SKAP1: variants seen among roughly 807,000 people sequenced by gnomAD.
SKAP1 encodes the protein src kinase-associated phosphoprotein 1.
A neutral mutation model predicts 58.5 loss-of-function variants in SKAP1; 44 were observed. The observed-to-expected ratio is 0.75, with a 90% CI of 0.59 to 0.97. SKAP1 has a LOEUF of 0.97. Among genes scored for constraint, SKAP1 ranks in the 50% least tolerant of loss-of-function variants. The probability of loss-of-function intolerance (pLI) is 0.00; values close to 1 mark genes in which losing one functional copy is unlikely to be tolerated. For synonymous variants in SKAP1, 127 were observed against 149.7 expected, an observed-to-expected ratio of 0.85 and a Z score of 1.11; for missense variants, 390 against 435.2, an observed-to-expected ratio of 0.90 and a Z score of 0.92.
intron 9 of SKAP1, among the ~76,000 whole-genome samples, chr17:48,176,669 C>T (rs950419184): frequency 2.6e-5 from 4 of 152,184 alleles, no homozygotes; most frequent in South Asian, 2.1e-4. Context: ...TGTGGCCTGG[C>T]TGAAAACCTT....
chr17:48,232,697 T>C (rs887102300), intron 4 of SKAP1, among the ~76,000 whole-genome samples: 4 of 152,156 alleles, frequency 2.6e-5, no homozygotes, highest in Non-Finnish European at 5.9e-5. Flanking sequence ...TTCAATAGCT[T>C]GTTCAGACAT....
intron 2 of SKAP1, among the ~76,000 whole-genome samples, chr17:48,388,277 T>C (rs2067303732): frequency 6.6e-6 from 1 of 151,920 alleles, no homozygotes; most frequent in Admixed American, 6.6e-5. Context: ...GTACTAAAGA[T>C]ACAAAAATTA....
chr17:48,204,952 C>T (rs970119471), intron 4 of SKAP1, among the ~76,000 whole-genome samples: 5 of 107,270 alleles, frequency 4.7e-5, no homozygotes, highest in Non-Finnish European at 9.9e-5. Context: ...TCCCTCCCTC[C>T]TTCCTCTTTC....
intron 10 of SKAP1, chr17:48,162,779 T>A (rs2064087196): frequency 4.4e-6 from 2 of 452,914 alleles, no homozygotes; most frequent in South Asian, 8.0e-5. Context: ...TATTTACAGA[T>A]CACTCCTAGT....
Position 48,430,193 on chromosome 17 carries a change from G to A in SKAP1, c.-73C>T. The A allele has an allele frequency of 2.5e-6, 3 of 1,203,054 alleles. No homozygotes were observed. Among genetic ancestry groups the A allele is most frequent in the South Asian group, 8.5e-5 (2 of 23,612 alleles). The allele number at this position is 1,203,054 out of a possible 1,614,324, so 74.5% of individuals were successfully genotyped here. ...AGGCGGACGGGCTGGAAGGCGACCC[G>A]GCTGCACCGCGAGGCACCTGTACCT... On this transcript the variant is annotated 5_prime_UTR_variant, in exon 1 of 13. Coordinates refer to ENST00000336915, the MANE Select transcript of SKAP1 (RefSeq NM_003726.4).
At chr17:48,145,519 C>T (rs952501859) in intron 11 of SKAP1, among the ~76,000 whole-genome samples, 3 of 152,032 alleles carry the variant, frequency 2.0e-5, no homozygotes, top group Admixed American at 1.3e-4. Context: ...CACAGCTTGA[C>T]TCTGCCTCCA....
At chr17:48,311,232 G>A (rs1338133481) in intron 4 of SKAP1, among the ~76,000 whole-genome samples, 2 of 152,152 alleles carry the variant, frequency 1.3e-5, no homozygotes, top group Non-Finnish European at 1.5e-5. Flanking sequence ...GGAACACTCA[G>A]CTCAGGTTAC....
At chr17:48,374,470 A>C (rs2067128780) in intron 2 of SKAP1, among the ~76,000 whole-genome samples, 1 of 152,188 alleles carries the variant, frequency 6.6e-6, no homozygotes, top group Admixed American at 6.5e-5. Context: ...CTCCAAACAG[A>C]CTGCAAAGGC....
chr17:48,237,239 G>A (rs897818598), intron 4 of SKAP1, among the ~76,000 whole-genome samples: 9 of 152,194 alleles, frequency 5.9e-5, no homozygotes, highest in Non-Finnish European at 1.2e-4. Flanking sequence ...AGGAAAATAA[G>A]GACTACATAG....
chr17:48,385,569 G>GA (rs2144496339), intron 2 of SKAP1, among the ~76,000 whole-genome samples: 1 of 152,040 alleles, frequency 6.6e-6, no homozygotes, highest in African/African-American at 2.4e-5. Context: ...CTCAAAAGAT[G>GA]AAAAAAGGAC....
At chr17:48,428,712 C>T (rs1228319829) in intron 1 of SKAP1, among the ~76,000 whole-genome samples, 1 of 152,102 alleles carries the variant, frequency 6.6e-6, no homozygotes, top group East Asian at 1.9e-4. Flanking sequence ...AACTTTTTGC[C>T]ACAGTCCCTT....
Position 48,171,088 on chromosome 17 carries a change from CTGT to C in SKAP1, c.827-432_827-430del, listed in dbSNP as rs201957097. 1.8e-3 allele frequency among the ~76,000 whole-genome samples: 199 copies of C among 107,648 alleles called. 1 individual carries two copies. Among genetic ancestry groups the C allele is most frequent in the African/African-American group, 5.6e-3 (180 of 32,158 alleles). 70.6% of individuals were successfully genotyped at this position (107,648 alleles called of 152,430 possible). A position where few individuals can be genotyped will look rare whatever the true frequency, so the allele number is the denominator to read the frequency against. ...CTCTTCTTTAAGGAAAGTTTAATTA[CTGT>C]TGTTTTTTTTTTTTTTTTTTTTTTT... On this transcript the variant is annotated intron_variant, in intron 9 of 12. Transcript: ENST00000336915.
At chr17:48,334,424 A>T (rs2066541935) in intron 4 of SKAP1, among the ~76,000 whole-genome samples, 1 of 151,982 alleles carries the variant, frequency 6.6e-6, no homozygotes, top group South Asian at 2.1e-4. Context: ...ACCCAAGAAC[A>T]ATCACAACTT....
chr17:48,140,571 C>T (rs2063755476), intron 11 of SKAP1, among the ~76,000 whole-genome samples: 1 of 152,136 alleles, frequency 6.6e-6, no homozygotes, highest in Non-Finnish European at 1.5e-5. Context: ...TAGCCAAGTG[C>T]ATTCCACCAA....
intron 4 of SKAP1, among the ~76,000 whole-genome samples, chr17:48,275,134 C>T (rs891152108): frequency 1.3e-5 from 2 of 152,198 alleles, no homozygotes; most frequent in Admixed American, 6.5e-5. Flanking sequence ...GCAATCTGTA[C>T]TGATGCTTCC....
intron 11 of SKAP1, among the ~76,000 whole-genome samples, chr17:48,148,544 C>T (rs1230000714): frequency 6.6e-6 from 1 of 152,236 alleles, no homozygotes; most frequent in Non-Finnish European, 1.5e-5. Flanking sequence ...TCAGGCACCA[C>T]AACACAATTT....
At chr17:48,368,748 C>A (rs559432699) in intron 2 of SKAP1, among the ~76,000 whole-genome samples, 10 of 152,220 alleles carry the variant, frequency 6.6e-5, no homozygotes, top group African/African-American at 2.4e-4. Flanking sequence ...AAAAATAAAC[C>A]CATCTTCACT....
At chr17:48,411,398 CAAAT>C (rs55868728) in intron 1 of SKAP1, among the ~76,000 whole-genome samples, 4,650 of 147,256 alleles carry the variant, frequency 0.032, 92 homozygotes, top group Non-Finnish European at 0.044. Flanking sequence ...GATTCCATCT[CAAAT>C]AAATAAATAA....
intron 4 of SKAP1, among the ~76,000 whole-genome samples, chr17:48,238,659 C>T (rs114609694): frequency 1.4e-4 from 22 of 152,276 alleles, no homozygotes; most frequent in African/African-American, 5.3e-4. Context: ...AGGTATGAGC[C>T]ACCGCGCCCA....
Sources: gnomAD v4.1 joint callset for allele counts (sites outside exome capture counted in the v4.1 genomes callset) on GRCh38, gnomAD v4.1.1 for gene constraint, MANE v1.5 for transcripts, NCBI Gene and HGNC (gene_info 2026-07-23, HGNC 2026-07-21) for gene names.